Variants in ADCY2 observed in about 807,000 individuals in gnomAD.
The protein encoded by ADCY2 is adenylate cyclase 2.
ADCY2 carries 31 observed loss-of-function variants against 125.2 expected under a neutral mutation model. That is an observed-to-expected ratio of 0.25 (90% CI 0.19 to 0.33). ADCY2 has a LOEUF of 0.33. Among genes scored for constraint, ADCY2 ranks in the 10% least tolerant of loss-of-function variants. The pLI is 1.00. For missense variants in ADCY2, 904 were observed against 1,418.2 expected (o/e 0.64, Z 5.82); for synonymous variants, 512 against 548.4 (o/e 0.93, Z 0.93).
chr5:7,577,567 G>T (rs1018260800), intron 3 of ADCY2, among the ~76,000 whole-genome samples: 2 of 152,232 alleles, frequency 1.3e-5, no homozygotes, highest in East Asian at 1.9e-4. Context: ...GAAGTGGTGA[G>T]CCTGGCTCCA....
rs182808278 is a variant in ADCY2, at chr5:7,727,926, G to C, written c.1871+665G>C. 1.1e-4 allele frequency among the ~76,000 whole-genome samples: 16 copies of C among 152,108 alleles called. 1 individual carries two copies. The highest frequency in any genetic ancestry group is 3.4e-4 in the African/African-American group (14 of 41,486). ...TCTTTCTCTTGCACCTTCTTAATTA[G>C]TTCAAGACCAATCAGGTGACTTTCT... On this transcript the variant is annotated intron_variant, in intron 14 of 24. Transcript: ENST00000338316.
At chr5:7,597,020 T>G (rs1217304821) in intron 3 of ADCY2, among the ~76,000 whole-genome samples, 1 of 152,218 alleles carries the variant, frequency 6.6e-6, no homozygotes, top group Non-Finnish European at 1.5e-5. Flanking sequence ...TGAGCCACTT[T>G]TTGAGCTCCT....
rs756877878 is a variant in ADCY2 at position 7,695,883 on chromosome 5, T to C, written c.981+20T>C. 3.3e-6 allele frequency: 5 copies of C among 1,537,070 alleles called. No individual in the cohort carries two copies. Among genetic ancestry groups the C allele is most frequent in the Non-Finnish European group, 4.5e-6 (5 of 1,118,252 alleles). ...GCAAAGGTGAGTATTATGGATTCTT[T>C]TCTTCTCTGAAGATTTCTAAACTCT... On this transcript the variant is annotated intron_variant, in intron 6 of 24. Coordinates refer to ENST00000338316, the MANE Select transcript of ADCY2 (RefSeq NM_020546.3).
chr5:7,757,520 CT>C lies in ADCY2; in HGVS notation c.2029del (p.Trp677GlyfsTer15). 1.9e-6 allele frequency: 3 copies of C among 1,614,102 alleles called. No homozygotes were observed. The highest frequency in any genetic ancestry group is 1.7e-6 in the Non-Finnish European group (2 of 1,180,018). ...CCTCGGGCATCATTGCCAACCGCCC[CT>C]GGCCACGGATCTCTCTCACGATCAT... Reference protein sequence around the residue: ...KSSGIIANRPWPRISLTIITT... With the variant: ...KSSGIIANRPXPRISLTIITT... On this transcript the variant is annotated frameshift_variant, in exon 16 of 25. Transcript: ENST00000338316. LOFTEE classifies it high-confidence loss of function.
chr5:7,823,877 T>A (rs930398729), intron 24 of ADCY2, among the ~76,000 whole-genome samples: 6 of 152,102 alleles, frequency 3.9e-5, no homozygotes, highest in African/African-American at 1.2e-4. Flanking sequence ...TTGGGCTTCA[T>A]AAAGCTCCAT....
At chr5:7,489,232 CAT>C (rs1743065120) in intron 2 of ADCY2, among the ~76,000 whole-genome samples, 2 of 152,270 alleles carry the variant, frequency 1.3e-5, no homozygotes, top group South Asian at 4.2e-4. Context: ...TCACAAGAAA[CAT>C]ACAAGGACAA....
chr5:7,629,463 C>T (rs1303920438), intron 4 of ADCY2, among the ~76,000 whole-genome samples: 2 of 152,060 alleles, frequency 1.3e-5, no homozygotes, highest in Non-Finnish European at 2.9e-5. Context: ...AGATTAAAGC[C>T]CATGCTTGAA....
intron 12 of ADCY2, among the ~76,000 whole-genome samples, chr5:7,719,565 G>T (rs1364460010): frequency 6.6e-6 from 1 of 152,194 alleles, no homozygotes; most frequent in African/African-American, 2.4e-5. Flanking sequence ...TTTCTGTGCA[G>T]ATTTTTGCTT....
intron 13 of ADCY2, among the ~76,000 whole-genome samples, chr5:7,725,576 A>G (rs375057046): frequency 2.0e-5 from 3 of 152,170 alleles, no homozygotes; most frequent in East Asian, 3.9e-4. Flanking sequence ...ATGCACAACT[A>G]TTGACCACCT....
intron 4 of ADCY2, among the ~76,000 whole-genome samples, chr5:7,675,079 CG>C: frequency 6.6e-6 from 1 of 151,004 alleles, no homozygotes; most frequent in African/African-American, 2.4e-5. Context: ...GGCGTGAACC[CG>C]GGAGGCAGCA....
At chr5:7,598,243 C>T (rs1381042565) in intron 3 of ADCY2, among the ~76,000 whole-genome samples, 9 of 152,088 alleles carry the variant, frequency 5.9e-5, no homozygotes, top group Admixed American at 4.6e-4. Flanking sequence ...GGAGTGGGAG[C>T]AAGGAGGAGG....
At chr5:7,463,893 A>G (rs1742013124) in intron 2 of ADCY2, among the ~76,000 whole-genome samples, 1 of 152,200 alleles carries the variant, frequency 6.6e-6, no homozygotes, top group Non-Finnish European at 1.5e-5. Context: ...CAAAGAAAGC[A>G]ATGGGGGATG....
intron 3 of ADCY2, among the ~76,000 whole-genome samples, chr5:7,612,711 A>G (rs907163806): frequency 1.3e-5 from 2 of 152,196 alleles, no homozygotes; most frequent in Non-Finnish European, 2.9e-5. Context: ...CCCAAGGGCA[A>G]CTGCTGGATA....
At position 7,704,847 on chromosome 5, in the gene ADCY2, C is replaced by T. The variant is rs186428827; in HGVS notation, c.1110-1897C>T. Among the ~76,000 whole-genome samples the T allele has an allele frequency of 9.9e-4, 144 of 145,764 alleles. 2 individuals carry two copies. In the East Asian group the frequency reaches 0.017, roughly 17 times the overall value. On this transcript the variant is annotated intron_variant, in intron 7 of 24. Coordinates refer to ENST00000338316, the MANE Select transcript of ADCY2 (RefSeq NM_020546.3). ...GAGCCGAGATCACGCCACTGCACTC[C>T]AACCTGGGTGACAGAGTGAGACTCC...
chr5:7,823,496 G>C (rs1455052155), intron 24 of ADCY2, among the ~76,000 whole-genome samples: 3 of 152,152 alleles, frequency 2.0e-5, no homozygotes, highest in African/African-American at 7.2e-5. Flanking sequence ...TTTTCTGATG[G>C]TACCAAGGCT....
At position 7,603,784 on chromosome 5, in the gene ADCY2, CTTTTTTTTTTTT is replaced by C; in HGVS notation, c.571-22369_571-22358del. Among the ~76,000 whole-genome samples the C allele has an allele frequency of 2.1e-4, 13 of 62,800 alleles. 1 individual carries two copies. The highest frequency in any genetic ancestry group is 2.0e-3 in the South Asian group (2 of 1,008). The allele number at this position is 62,800 out of a possible 152,430, so 41.2% of individuals were successfully genotyped here. ...AAAATTCTGGGGTAATGCTCTCTTT[CTTTTTTTTTTTT>C]TTTTTTTTTTTTTCTTTTGTTTTTT... is the stretch of plus-strand genomic sequence containing the variant. On this transcript the variant is annotated intron_variant, in intron 3 of 24. Coordinates refer to ENST00000338316, the MANE Select transcript of ADCY2 (RefSeq NM_020546.3).
chr5:7,457,294 G>T (rs1741712815), intron 2 of ADCY2, among the ~76,000 whole-genome samples: 1 of 152,170 alleles, frequency 6.6e-6, no homozygotes. Context: ...AAACAAGCAT[G>T]CGGGCTTCCC....
chr5:7,717,877 A>C (rs1425219879), intron 12 of ADCY2, among the ~76,000 whole-genome samples: 1 of 152,204 alleles, frequency 6.6e-6, no homozygotes, highest in Non-Finnish European at 1.5e-5. Context: ...CATGCAGAGC[A>C]GAAGGCACAT....
At chr5:7,726,236 T>A (rs753300709) in intron 13 of ADCY2, among the ~76,000 whole-genome samples, 1 of 152,158 alleles carries the variant, frequency 6.6e-6, no homozygotes, top group Admixed American at 6.5e-5. Context: ...CATACAACCT[T>A]TCGTAAGGCA....
Sources: gnomAD v4.1 joint callset for allele counts (sites outside exome capture counted in the v4.1 genomes callset) on GRCh38, gnomAD v4.1.1 for gene constraint, MANE v1.5 for transcripts, NCBI Gene and HGNC (gene_info 2026-07-23, HGNC 2026-07-21) for gene names.